The following TENM1 variants were observed in gnomAD, a reference collection of about 807,000 sequenced individuals.
The protein encoded by TENM1 is teneurin-1.
Under a neutral mutation model 174.8 loss-of-function variants are expected in TENM1, and 35 were observed. The observed-to-expected ratio is 0.20, with a 90% CI of 0.15 to 0.27. The LOEUF (loss-of-function observed/expected upper bound fraction) is 0.27. TENM1 is among the 10% of genes least tolerant of loss of function. TENM1 has a pLI of 1.00. For missense variants in TENM1, 1,633 were observed against 2,130.1 expected (o/e 0.77, Z 4.59); for synonymous variants, 781 against 798.7 (o/e 0.98, Z 0.37).
chrX:124,797,672 G>A (rs111846444), intron 3 of TENM1, among the ~76,000 whole-genome samples: 118 of 109,223 alleles, frequency 1.1e-3, no homozygotes, highest in African/African-American at 3.6e-3. Flanking sequence ...AAAGTTAGCC[G>A]TAAAGGTTTT....
chrX:124,958,404 G>A (rs1024960057), intron 1 of TENM1, among the ~76,000 whole-genome samples: 1 of 111,751 alleles, frequency 8.9e-6, no homozygotes, highest in Non-Finnish European at 1.9e-5. Context: ...AATATTTCAT[G>A]GTAAATTATA....
chrX:125,138,149 T>A, the TENM1 span, among the ~76,000 whole-genome samples: 2 of 111,136 alleles, frequency 1.8e-5, no homozygotes, highest in Non-Finnish European at 3.8e-5. Flanking sequence ...AATAAACACC[T>A]CCAGGACATA....
chrX:125,005,189 TACACACACAC>T, the TENM1 span, among the ~76,000 whole-genome samples: 137 of 88,712 alleles, frequency 1.5e-3, no homozygotes, highest in African/African-American at 3.9e-3. Flanking sequence ...GATGTATACA[TACACACACAC>T]ACACACACAC....
At chrX:124,848,956 T>C (rs1161048784) in intron 3 of TENM1, among the ~76,000 whole-genome samples, 1 of 111,547 alleles carries the variant, frequency 9.0e-6, no homozygotes, top group Non-Finnish European at 1.9e-5. Context: ...TACTTTTTCA[T>C]TTTATATTGT....
the TENM1 span, among the ~76,000 whole-genome samples, chrX:125,187,731 T>C: frequency 1.8e-5 from 2 of 111,233 alleles, no homozygotes; most frequent in Non-Finnish European, 3.8e-5. Flanking sequence ...TTTGTCTCTG[T>C]CTCTCTCTCT....
At chrX:124,531,633 T>C (rs979400367) in intron 15 of TENM1, among the ~76,000 whole-genome samples, 13 of 112,544 alleles carry the variant, frequency 1.2e-4, no homozygotes, top group Non-Finnish European at 2.1e-4. Flanking sequence ...AGTGGCTTTT[T>C]TCCAGTGAGC....
chrX:124,601,480 T>C (rs1213987955), intron 11 of TENM1, among the ~76,000 whole-genome samples: 3 of 110,934 alleles, frequency 2.7e-5, no homozygotes, highest in East Asian at 2.8e-4. Flanking sequence ...GGAGTTCTCA[T>C]GTGATGGTTA....
At chrX:125,010,781 T>C in the TENM1 span, among the ~76,000 whole-genome samples, 1 of 99,685 alleles carries the variant, frequency 1.0e-5, no homozygotes, top group Admixed American at 1.1e-4. Context: ...GCCACTGCAC[T>C]CCAGGCTGGG....
intron 3 of TENM1, among the ~76,000 whole-genome samples, chrX:124,856,232 C>T (rs1021402574): frequency 2.9e-4 from 32 of 110,651 alleles, no homozygotes; most frequent in Non-Finnish European, 5.7e-5. Context: ...TATCACTCTC[C>T]ATGGGAATAT....
At position 124,650,200 on chromosome X, in the gene TENM1, CAAAAAAAAAAAAA is replaced by C. The variant is rs755570562; in HGVS notation, c.1579+1701_1579+1713del. The stretch of plus-strand genomic sequence containing the variant: ...CTGGGCGATGGAGAGAAACTGTCTC[CAAAAAAAAAAAAA>C]AAAAAAAAAAAAAAAGAAAGAGGAG... On this transcript the variant is annotated intron_variant, in intron 8 of 31. Coordinates refer to ENST00000422452, the Ensembl canonical transcript of TENM1. Among the ~76,000 whole-genome samples the C allele has an allele frequency of 6.0e-3, 148 of 24,864 alleles. 2 individuals are homozygous for C. Among genetic ancestry groups the C allele is most frequent in the Non-Finnish European group, 0.011 (125 of 10,931 alleles). The allele number at this position is 24,864 out of a possible 115,157, so 21.6% of individuals were successfully genotyped here.
intron 14 of TENM1, among the ~76,000 whole-genome samples, chrX:124,560,997 C>T: frequency 9.0e-6 from 1 of 110,794 alleles, no homozygotes; most frequent in Non-Finnish European, 1.9e-5. Context: ...CTTGGAGCCA[C>T]AGTGGTTTTA....
chrX:124,486,472 G>C (rs1489419391), intron 21 of TENM1, among the ~76,000 whole-genome samples: 1 of 112,103 alleles, frequency 8.9e-6, no homozygotes, highest in African/African-American at 3.2e-5. Context: ...CTGGCATTTA[G>C]GAAGTGGCAT....
intron 11 of TENM1, among the ~76,000 whole-genome samples, chrX:124,624,417 C>CGGG (rs2050590174): frequency 9.0e-6 from 1 of 111,307 alleles, no homozygotes; most frequent in Non-Finnish European, 1.9e-5. Context: ...AATCATACTT[C>CGGG]CGATGTTAAG....
Position 124,409,654 on chromosome X carries a change from A to C in TENM1, c.4983-3165T>G, listed in dbSNP as rs750687596. Among the ~76,000 whole-genome samples, 1,069 of 108,143 alleles carry C rather than the reference A, an allele frequency of 9.9e-3. 14 individuals carry two copies. The highest frequency in any genetic ancestry group is 0.034 in the African/African-American group (1,006 of 29,515). The allele number at this position is 108,143 out of a possible 115,157, so 93.9% of individuals were successfully genotyped here. On this transcript the variant is annotated intron_variant, in intron 25 of 31. Coordinates refer to ENST00000422452, the Ensembl canonical transcript of TENM1. The stretch of plus-strand genomic sequence containing the variant: ...CAGCCCAAAATCTCCTTAAGCTGAT[A>C]AGCAACTTCAGCAAAGTCTCAGGAT...
chrX:124,425,369 T>C (rs1249566026), intron 23 of TENM1, among the ~76,000 whole-genome samples: 1 of 112,063 alleles, frequency 8.9e-6, no homozygotes, highest in African/African-American at 3.2e-5. Flanking sequence ...CCATTCCAAC[T>C]GGGGTGAGAT....
At chrX:124,977,930 G>T in the TENM1 span, among the ~76,000 whole-genome samples, 2 of 95,497 alleles carry the variant, frequency 2.1e-5, no homozygotes, top group African/African-American at 7.8e-5. Context: ...CATCTTTGAG[G>T]CTCTGTTTAG....
chrX:125,179,017 AAAG>A, the TENM1 span, among the ~76,000 whole-genome samples: 5 of 111,294 alleles, frequency 4.5e-5, no homozygotes, highest in East Asian at 1.4e-3. Flanking sequence ...AGTTTTGCAC[AAAG>A]AAGAGTTAAT....
intron 1 of TENM1, among the ~76,000 whole-genome samples, chrX:124,921,116 C>A (rs2058014460): frequency 9.2e-6 from 1 of 109,047 alleles, no homozygotes; most frequent in African/African-American, 3.3e-5. Context: ...AGGTCAAGTC[C>A]CTTCCACACA....
At chrX:124,389,467 G>A (rs2060259379) in intron 28 of TENM1, among the ~76,000 whole-genome samples, 1 of 112,550 alleles carries the variant, frequency 8.9e-6, no homozygotes, top group African/African-American at 3.2e-5. Flanking sequence ...ATATTAATGA[G>A]AGGACTGGAA....
Sources: allele counts gnomAD v4.1 joint callset (sites outside exome capture counted in the v4.1 genomes callset), GRCh38; gene constraint gnomAD v4.1.1; transcripts MANE v1.5; gene names NCBI Gene and HGNC (gene_info 2026-07-23, HGNC 2026-07-21).